The following CDH19 variants were observed in gnomAD, a reference collection of about 807,000 sequenced individuals.
The protein encoded by CDH19 is cadherin-19.
CDH19 carries 67 observed loss-of-function variants against 64.2 expected under a neutral mutation model. That is an observed-to-expected ratio of 1.04 (90% CI 0.86 to 1.28). The LOEUF (loss-of-function observed/expected upper bound fraction) is 1.28. Among genes scored for constraint, CDH19 ranks in the 50% most tolerant of loss-of-function variants. The probability of loss-of-function intolerance (pLI) is 0.00; values close to 1 mark genes in which losing one functional copy is unlikely to be tolerated. For synonymous variants in CDH19, 346 were observed against 319.3 expected (o/e 1.08, Z -0.89); for missense variants, 1,030 against 929.0 (o/e 1.11, Z -1.41).
chr18:66,596,072 A>C (rs1296238132), intron 1 of CDH19: 1 of 152,174 alleles, frequency 6.6e-6, no homozygotes, highest in African/African-American at 2.4e-5. Context: ...TCACATGATC[A>C]TGTCCATACA....
chr18:66,553,430 G>A (rs141553032), intron 4 of CDH19, among the ~76,000 whole-genome samples: 2,894 of 133,636 alleles, frequency 0.022, 942 homozygotes, highest in African/African-American at 0.095. Flanking sequence ...TAAGAACATA[G>A]GTACTCAAAT....
chr18:66,575,789 A>G (rs1033160316), intron 1 of CDH19, among the ~76,000 whole-genome samples: 1 of 151,992 alleles, frequency 6.6e-6, no homozygotes, highest in South Asian at 2.1e-4. Context: ...AATGGAAGGT[A>G]TATCAGTAAA....
chr18:66,505,894 T>C (rs1985176533), intron 11 of CDH19, among the ~76,000 whole-genome samples: 1 of 151,960 alleles, frequency 6.6e-6, no homozygotes, highest in African/African-American at 2.4e-5. Flanking sequence ...ATTATATTAT[T>C]ATATCCTATT....
chr18:66,534,644 T>A (rs1053078880), intron 8 of CDH19, among the ~76,000 whole-genome samples: 3 of 152,032 alleles, frequency 2.0e-5, no homozygotes, highest in African/African-American at 7.2e-5. Context: ...AAGGACAATA[T>A]CCAAGTGGTA....
At chr18:66,584,508 G>A (rs1252906529) in intron 1 of CDH19, among the ~76,000 whole-genome samples, 1 of 151,708 alleles carries the variant, frequency 6.6e-6, no homozygotes, top group African/African-American at 2.4e-5. Flanking sequence ...CCCACTACTG[G>A]GTATATACAC....
At chr18:66,568,269 C>G in intron 3 of CDH19, 147 bp downstream of exon 3, 1 of 600,652 alleles carries the variant, frequency 1.7e-6, no homozygotes, top group East Asian at 2.9e-5. Flanking sequence ...GATGCATAGT[C>G]TAATTTTTCA....
At chr18:66,567,622 T>C (rs1050971358) in intron 3 of CDH19, among the ~76,000 whole-genome samples, 1 of 151,884 alleles carries the variant, frequency 6.6e-6, no homozygotes, top group Non-Finnish European at 1.5e-5. Context: ...CATTGGCTAA[T>C]GAATCAAGTA....
intron 3 of CDH19, among the ~76,000 whole-genome samples, chr18:66,556,059 C>A (rs566398173): frequency 6.6e-6 from 1 of 151,804 alleles, no homozygotes; most frequent in South Asian, 2.1e-4. Flanking sequence ...CAATGACTCA[C>A]AAAAGGTGAC....
chr18:66,577,968 A>G (rs1988313569), intron 1 of CDH19, among the ~76,000 whole-genome samples: 1 of 151,898 alleles, frequency 6.6e-6, no homozygotes, highest in South Asian at 2.1e-4. Context: ...TCTCTACTCT[A>G]TCTTCACATT....
At chr18:66,509,845 T>C (rs893376654) in intron 10 of CDH19, among the ~76,000 whole-genome samples, 6 of 152,018 alleles carry the variant, frequency 3.9e-5, no homozygotes, top group South Asian at 4.1e-4. Context: ...TTTCACTTGG[T>C]AGACAAGATC....
rs1985752815 is a variant in CDH19 at position 66,516,668 on chromosome 18, T to C, written c.1459-4983A>G. Among the ~76,000 whole-genome samples, 3 of 152,060 alleles carry C rather than the reference T, an allele frequency of 2.0e-5. No homozygotes were observed. The South Asian group carries it at 6.2e-4, about 31-fold the overall frequency. On this transcript the variant is annotated intron_variant, in intron 9 of 11. Coordinates refer to ENST00000262150, the MANE Select transcript of CDH19 (RefSeq NM_021153.4). ...AGTCTTACCTAATAAATATAATTGA[T>C]TTATAAAACTGATACATTGCTGCAT...
intron 9 of CDH19, among the ~76,000 whole-genome samples, chr18:66,515,185 C>A (rs959241067): frequency 6.6e-5 from 10 of 151,556 alleles, no homozygotes; most frequent in African/African-American, 2.4e-4. Flanking sequence ...GAAAGATTTT[C>A]TTAAAAATCT....
At chr18:66,516,405 T>C (rs1170364359) in intron 9 of CDH19, among the ~76,000 whole-genome samples, 1 of 152,040 alleles carries the variant, frequency 6.6e-6, no homozygotes, top group Non-Finnish European at 1.5e-5. Flanking sequence ...TTATGGAATG[T>C]GTTATTTTAA....
intron 1 of CDH19, among the ~76,000 whole-genome samples, chr18:66,598,944 G>T (rs1988972928): frequency 6.6e-6 from 1 of 151,870 alleles, no homozygotes; most frequent in African/African-American, 2.4e-5. Context: ...TTATTATTTT[G>T]ATACAAAATA....
At chr18:66,575,627 A>G (rs892266981) in intron 1 of CDH19, among the ~76,000 whole-genome samples, 1 of 151,860 alleles carries the variant, frequency 6.6e-6, no homozygotes, top group Non-Finnish European at 1.5e-5. Context: ...CTAATCTTCA[A>G]TAAAGGAAAG....
At chr18:66,583,587 G>A (rs1054597659) in intron 1 of CDH19, among the ~76,000 whole-genome samples, 3 of 152,030 alleles carry the variant, frequency 2.0e-5, no homozygotes, top group African/African-American at 7.2e-5. Flanking sequence ...GTGAAGACAT[G>A]TGATATTTGG....
intron 5 of CDH19, among the ~76,000 whole-genome samples, chr18:66,545,793 C>T (rs1987092497): frequency 6.6e-6 from 1 of 151,906 alleles, no homozygotes; most frequent in Non-Finnish European, 1.5e-5. Context: ...CATCAGCCAT[C>T]CTGGAAATGC....
At chr18:66,557,781 G>A (rs1472489681) in intron 3 of CDH19, among the ~76,000 whole-genome samples, 1 of 151,664 alleles carries the variant, frequency 6.6e-6, no homozygotes. Flanking sequence ...GTAGATCTAA[G>A]TATGGTGTAT....
chr18:66,509,360 A>G, intron 10 of CDH19, 114 bp from the exon 11 acceptor site: 4 of 870,048 alleles, frequency 4.6e-6, no homozygotes, highest in Non-Finnish European at 6.8e-6. Context: ...AAGTTCAAAT[A>G]AAAGGAAGAC....
Sources: allele counts gnomAD v4.1 joint callset (sites outside exome capture counted in the v4.1 genomes callset), GRCh38; gene constraint gnomAD v4.1.1; transcripts MANE v1.5; gene names NCBI Gene and HGNC (gene_info 2026-07-23, HGNC 2026-07-21).